NCKAP5: variants seen among roughly 807,000 people sequenced by gnomAD.
NCKAP5 encodes the protein NCK associated protein 5, also known as nck-associated protein 5.
In NCKAP5, 92 loss-of-function variants were observed where a neutral mutation model predicts 167.0. That is an observed-to-expected ratio of 0.55 (90% CI 0.47 to 0.66). The LOEUF (loss-of-function observed/expected upper bound fraction) is 0.66. Ranked by LOEUF, NCKAP5 falls within the 30% of genes least tolerant of loss-of-function variation. NCKAP5 has a pLI of 0.00. For synonymous variants in NCKAP5, 891 were observed against 877.4 expected, an observed-to-expected ratio of 1.02 and a Z score of -0.27; for missense variants, 2,378 against 2,315.0, an observed-to-expected ratio of 1.03 and a Z score of -0.56.
chr2:133,066,316 C>T (rs758810951), intron 6 of NCKAP5, among the ~76,000 whole-genome samples: 3 of 152,148 alleles, frequency 2.0e-5, no homozygotes, highest in Non-Finnish European at 2.9e-5. Context: ...ATAAGTGTTC[C>T]TTGTTCTTAT....
intron 3 of NCKAP5, among the ~76,000 whole-genome samples, chr2:133,505,109 T>C (rs1267327184): frequency 6.6e-6 from 1 of 152,150 alleles, no homozygotes; most frequent in Non-Finnish European, 1.5e-5. Flanking sequence ...TATGGGCACT[T>C]CTGGAAGCTT....
intron 10 of NCKAP5, among the ~76,000 whole-genome samples, chr2:132,860,960 AC>A (rs1689859693): frequency 6.6e-6 from 1 of 152,150 alleles, no homozygotes; most frequent in African/African-American, 2.4e-5. Flanking sequence ...TAGAGCACAA[AC>A]CACAAGGACA....
chr2:133,577,476 G>A, the NCKAP5 span, among the ~76,000 whole-genome samples: 1 of 151,960 alleles, frequency 6.6e-6, no homozygotes, highest in Non-Finnish European at 1.5e-5. Context: ...CCTGTTCTCA[G>A]CAGTTTGTTC....
At chr2:133,422,227 A>C (rs1326501613) in intron 3 of NCKAP5, among the ~76,000 whole-genome samples, 1 of 152,238 alleles carries the variant, frequency 6.6e-6, no homozygotes, top group Non-Finnish European at 1.5e-5. Flanking sequence ...TGATGCATAC[A>C]TGGCCTCTGT....
At position 132,916,865 on chromosome 2, in the gene NCKAP5, G is replaced by A. The variant is rs567001439; in HGVS notation, c.580-37949C>T. 1.4e-4 allele frequency among the ~76,000 whole-genome samples: 21 copies of A among 150,702 alleles called. No individual in the cohort carries two copies. In the East Asian group the frequency reaches 4.1e-3, roughly 29 times the overall value. On this transcript the variant is annotated intron_variant, in intron 8 of 19. Coordinates refer to ENST00000409261, the MANE Select transcript of NCKAP5 (RefSeq NM_207363.3). ...AGGGGTTAGAATAACCCAGTTTGTA[G>A]CTGTGATGTAGGTTAGCATGTGGCT...
intron 11 of NCKAP5, among the ~76,000 whole-genome samples, chr2:132,814,357 C>T (rs751979569): frequency 2.0e-4 from 30 of 152,040 alleles, no homozygotes; most frequent in Non-Finnish European, 3.8e-4. Context: ...TTCCTAATAG[C>T]AATTTGAAAT....
chr2:133,622,039 G>T, the NCKAP5 span, among the ~76,000 whole-genome samples: 2 of 152,182 alleles, frequency 1.3e-5, no homozygotes, highest in South Asian at 2.1e-4. Context: ...AAAATCATAT[G>T]ATCATCTCAA....
At chr2:133,664,209 G>A in the NCKAP5 span, among the ~76,000 whole-genome samples, 9 of 151,772 alleles carry the variant, frequency 5.9e-5, no homozygotes, top group African/African-American at 2.2e-4. Context: ...AAAATATTTA[G>A]TAAGTCATGC....
chr2:132,719,659 C>T (rs925410907), intron 19 of NCKAP5, among the ~76,000 whole-genome samples: 9 of 152,158 alleles, frequency 5.9e-5, no homozygotes, highest in Admixed American at 3.9e-4. Context: ...CAGCAGGCTG[C>T]GTGAGTCAGA....
intron 3 of NCKAP5, among the ~76,000 whole-genome samples, chr2:133,492,143 T>TTGTG (rs780998843): frequency 1.2e-5 from 1 of 84,452 alleles, no homozygotes; most frequent in Admixed American, 1.1e-4. Flanking sequence ...CATATCTAGT[T>TTGTG]AGTGTGTGTG....
At chr2:133,619,196 C>G in the NCKAP5 span, among the ~76,000 whole-genome samples, 2 of 143,048 alleles carry the variant, frequency 1.4e-5, no homozygotes, top group Non-Finnish European at 3.1e-5. Context: ...GGGAGATATA[C>G]CTAATGCTAG....
intron 3 of NCKAP5, among the ~76,000 whole-genome samples, chr2:133,483,628 G>A (rs767698853): frequency 1.2e-4 from 10 of 85,160 alleles, no homozygotes; most frequent in East Asian, 6.6e-4. Context: ...CAAAAAAAAA[G>A]GGGGGGGGGC....
intron 8 of NCKAP5, among the ~76,000 whole-genome samples, chr2:132,942,504 T>G (rs1697374258): frequency 6.6e-6 from 1 of 152,192 alleles, no homozygotes; most frequent in Non-Finnish European, 1.5e-5. Context: ...TAATTTTTAT[T>G]TGGTGTAAAC....
intron 8 of NCKAP5, among the ~76,000 whole-genome samples, chr2:132,959,826 A>G (rs1009185339): frequency 6.6e-6 from 1 of 152,194 alleles, no homozygotes; most frequent in Non-Finnish European, 1.5e-5. Flanking sequence ...TCTAAGTCAA[A>G]TAAACAGTCT....
intron 8 of NCKAP5, among the ~76,000 whole-genome samples, chr2:132,960,212 G>A (rs1022757867): frequency 6.6e-6 from 1 of 152,136 alleles, no homozygotes; most frequent in East Asian, 1.9e-4. Context: ...GAAGGTAAAG[G>A]TCTTAATTAG....
intron 2 of NCKAP5, among the ~76,000 whole-genome samples, chr2:133,524,613 C>A (rs984946488): frequency 1.3e-5 from 2 of 152,166 alleles, no homozygotes; most frequent in African/African-American, 2.4e-5. Context: ...AACCCACGAC[C>A]TCCTTTCTTC....
chr2:133,386,584 T>G lies in NCKAP5; in HGVS notation c.70-83474A>C, dbSNP rs556419628. On this transcript the variant is annotated intron_variant, in intron 3 of 19. Transcript: ENST00000409261. ...TAGGTCTGCTTGGTGCAGAGCTGAG[T>G]TCAATTCTTGGATATCCTTATTAAC... 8.5e-5 allele frequency among the ~76,000 whole-genome samples: 13 copies of G among 152,296 alleles called. 1 individual carries two copies. The South Asian group carries it at 2.1e-3, about 24-fold the overall frequency.
chr2:133,371,403 T>C (rs1685796745), intron 3 of NCKAP5, among the ~76,000 whole-genome samples: 1 of 152,158 alleles, frequency 6.6e-6, no homozygotes, highest in Non-Finnish European at 1.5e-5. Flanking sequence ...TGTGCGTATT[T>C]AGATTTCCAT....
rs573326980 is a variant in NCKAP5, at chr2:132,908,052, C to A, written c.580-29136G>T. On this transcript the variant is annotated intron_variant, in intron 8 of 19. Transcript: ENST00000409261. ...AAAGCTTATTAGTCACAATAAGCAA[C>A]TCCTCCTATACCTAGACACTTTTAA... Among the ~76,000 whole-genome samples the A allele has an allele frequency of 2.6e-5, 4 of 152,288 alleles. No individual in the cohort carries two copies. In the East Asian group the frequency reaches 7.7e-4, roughly 29 times the overall value.
Sources: allele counts gnomAD v4.1 joint callset (sites outside exome capture counted in the v4.1 genomes callset), GRCh38; gene constraint gnomAD v4.1.1; transcripts MANE v1.5; gene names NCBI Gene and HGNC (gene_info 2026-07-23, HGNC 2026-07-21).